Variants in NOS1 observed in about 807,000 individuals in gnomAD.
The protein encoded by NOS1 is NOS type I.
Under a neutral mutation model 164.5 loss-of-function variants are expected in NOS1, and 51 were observed. That is an observed-to-expected ratio of 0.31 (90% CI 0.25 to 0.39). The LOEUF is 0.39. Among genes scored for constraint, NOS1 ranks in the 10% least tolerant of loss-of-function variants. The pLI is 1.00. For missense variants in NOS1, 1,362 were observed against 1,885.6 expected (o/e 0.72, Z 5.14); for synonymous variants, 719 against 745.8 (o/e 0.96, Z 0.59).
chr12:117,330,411 C>T lies in NOS1; in HGVS notation c.659G>A (p.Ser220Asn), dbSNP rs367886122. ...EPVLSLLTSG[S>N]RGVKGGAPAK... ...AGGTGCCCCTCCCTTGACCCCTCTG[C>T]TCCCACTGGTGAGAAGGCTCAGCAC... Residue 220 changes from serine (S) to asparagine (N), a missense_variant, in exon 2 of 29, where the codon AGC becomes AAC. Physicochemically the swap from Ser to Asn is conservative, Grantham distance 46 (BLOSUM62 1). Around this residue, in one of 4 missense-constraint regions of NOS1, gnomAD observed 362 missense variants for 402.0 expected, o/e 0.90. Coordinates refer to ENST00000317775, the MANE Select transcript of NOS1 (RefSeq NM_000620.5). The surrounding 1 kb of genome is among the most constrained non-coding windows in gnomAD (Gnocchi z 4.6). The T allele has an allele frequency of 1.7e-5, 28 of 1,614,204 alleles. No homozygotes were observed. The highest frequency in any genetic ancestry group is 1.7e-4 in the Admixed American group (10 of 60,026).
chr12:117,262,652 G>GT (rs949084016), intron 13 of NOS1, among the ~76,000 whole-genome samples: 2 of 152,138 alleles, frequency 1.3e-5, no homozygotes, highest in African/African-American at 4.8e-5. Context: ...TGTACAACTA[G>GT]TTATCATACA....
intron 3 of NOS1, among the ~76,000 whole-genome samples, chr12:117,298,112 C>T (rs2136037492): frequency 6.6e-6 from 1 of 151,968 alleles, no homozygotes; most frequent in African/African-American, 2.4e-5. Flanking sequence ...GAAATCATTA[C>T]ACAACTCACC....
intron 20 of NOS1, among the ~76,000 whole-genome samples, chr12:117,240,564 C>T (rs1870082399): frequency 6.6e-6 from 1 of 152,188 alleles, no homozygotes; most frequent in Admixed American, 6.5e-5. Flanking sequence ...TCGGTGTGAC[C>T]TTGAGAAAGT....
chr12:117,353,118 A>T (rs1465058524), intron 1 of NOS1, among the ~76,000 whole-genome samples: 1 of 151,960 alleles, frequency 6.6e-6, no homozygotes. Flanking sequence ...CCATCCATCC[A>T]TTCATGTACC....
At chr12:117,241,601 A>G (rs1429481341) in intron 20 of NOS1, among the ~76,000 whole-genome samples, 1 of 152,006 alleles carries the variant, frequency 6.6e-6, no homozygotes, top group African/African-American at 2.4e-5. Flanking sequence ...TACAAAGTGA[A>G]AAAGATTCCA....
Position 117,256,284 on chromosome 12 carries a change from G to GTTTTTTTTTTTTTTT in NOS1, c.2531+2112_2531+2113insAAAAAAAAAAAAAAA, listed in dbSNP as rs57047376. 5.3e-4 allele frequency among the ~76,000 whole-genome samples: 63 copies of GTTTTTTTTTTTTTTT among 118,444 alleles called. 9 individuals carry two copies. The highest frequency in any genetic ancestry group is 2.1e-3 in the South Asian group (8 of 3,896). 77.7% of individuals were successfully genotyped at this position (118,444 alleles called of 152,430 possible). A position where few individuals can be genotyped will look rare whatever the true frequency, so the allele number is the denominator to read the frequency against. ...CAAAGAAAATCAGAAGGGATTTTCTGTTTTTTTTTTTTGAGACGGAGTCTC... is the reference window on the plus strand; with the variant it reads ...CAAAGAAAATCAGAAGGGATTTTCTGTTTTTTTTTTTTTTTTTTTTTTTTTTTGAGACGGAGTCTC... On this transcript the variant is annotated intron_variant, in intron 16 of 28. Transcript: ENST00000317775.
At chr12:117,289,022 T>C (rs570704534) in intron 4 of NOS1, among the ~76,000 whole-genome samples, 1 of 152,310 alleles carries the variant, frequency 6.6e-6, no homozygotes, top group East Asian at 1.9e-4. Flanking sequence ...TGAAAAATAA[T>C]ACATAGTTTT....
chr12:117,298,601 C>G (rs1873587446), intron 3 of NOS1, among the ~76,000 whole-genome samples: 1 of 152,148 alleles, frequency 6.6e-6, no homozygotes, highest in African/African-American at 2.4e-5. Context: ...ACGAGGTCAT[C>G]AGCATGGGTC....
intron 2 of NOS1, among the ~76,000 whole-genome samples, chr12:117,317,329 C>T (rs780646738): frequency 5.6e-4 from 85 of 151,502 alleles, no homozygotes; most frequent in Non-Finnish European, 9.4e-4. Flanking sequence ...GGAATAATCT[C>T]AGTTTAGATC....
chr12:117,223,133 T>C (rs1407224771), intron 25 of NOS1, among the ~76,000 whole-genome samples: 1 of 152,178 alleles, frequency 6.6e-6, no homozygotes, highest in Admixed American at 6.5e-5. Flanking sequence ...CTCCCAGGTC[T>C]CAATCCTTCC....
chr12:117,292,091 A>G (rs1033299645), intron 3 of NOS1, among the ~76,000 whole-genome samples: 1 of 152,136 alleles, frequency 6.6e-6, no homozygotes, highest in Non-Finnish European at 1.5e-5. Context: ...TTGAGCACCT[A>G]TTATAATACA....
chr12:117,298,465 T>G (rs1411602950), intron 3 of NOS1, among the ~76,000 whole-genome samples: 1 of 152,142 alleles, frequency 6.6e-6, no homozygotes, highest in Admixed American at 6.5e-5. Flanking sequence ...TGGGGACCCC[T>G]GTATTATGGG....
chr12:117,337,104 C>CTATTTTTTTTTTTTTTTTTTTTTTTTT (rs1566082153), intron 1 of NOS1, among the ~76,000 whole-genome samples: 1 of 94,074 alleles, frequency 1.1e-5, no homozygotes, highest in African/African-American at 3.9e-5. Context: ...CTGCTTTTTA[C>CTATTTTTTTTTTTTTTTTTTTTTTTTT]TCTTTTTTTT....
At chr12:117,300,526 T>G (rs767070659) in intron 3 of NOS1, among the ~76,000 whole-genome samples, 2 of 151,804 alleles carry the variant, frequency 1.3e-5, no homozygotes, top group Non-Finnish European at 2.9e-5. Context: ...GACCTGGGAG[T>G]CACTGAGCAG....
chr12:117,222,989 G>C (rs1868358521), intron 25 of NOS1, 126 bp from the exon 26 acceptor site: 1 of 1,086,456 alleles, frequency 9.2e-7, no homozygotes. Flanking sequence ...ACAAACACTA[G>C]GACAGGCAGA....
intron 8 of NOS1, among the ~76,000 whole-genome samples, chr12:117,278,911 T>G (rs920405599): frequency 1.3e-5 from 2 of 149,798 alleles, no homozygotes; most frequent in African/African-American, 4.9e-5. Context: ...ATATATCAAA[T>G]AATACATTAA....
chr12:117,231,980 A>C lies in NOS1; in HGVS notation c.3387T>G (p.Arg1129=). ...SLATSEKEKQ[R]LLVLSKGLQE... is the part of the protein sequence containing the mutation. ...GACCCACCTTGCTGAGGACCAGCAGACGCTGCTTCTCCTTCTCGCTGGTAG... is the reference window on the plus strand; with the variant it reads ...GACCCACCTTGCTGAGGACCAGCAGCCGCTGCTTCTCCTTCTCGCTGGTAG... Residue 1129 remains arginine (R), a synonymous_variant, in exon 22 of 29, where the codon CGT becomes CGG. Transcript: ENST00000317775. The C allele has an allele frequency of 6.2e-7, 1 of 1,612,678 alleles. No individual in the cohort carries two copies. Among genetic ancestry groups the C allele is most frequent in the East Asian group, 2.2e-5 (1 of 44,860 alleles).
intron 2 of NOS1, among the ~76,000 whole-genome samples, chr12:117,312,532 CAGCCTCCCGAGT>C (rs1226702200): frequency 6.6e-6 from 1 of 152,196 alleles, no homozygotes; most frequent in Admixed American, 6.5e-5. Flanking sequence ...CCTCCTGCCT[CAGCCTCCCGAGT>C]AGCTGGGACT....
chr12:117,224,961 T>C, intron 25 of NOS1, 55 bp downstream of exon 25: 1 of 1,611,282 alleles, frequency 6.2e-7, no homozygotes, highest in South Asian at 1.1e-5. Context: ...GAGACACAGC[T>C]GGACCTCCCC....
Sources: allele counts gnomAD v4.1 joint callset (sites outside exome capture counted in the v4.1 genomes callset), GRCh38; gene constraint gnomAD v4.1.1; regional missense constraint gnomAD v4.1.1; non-coding constraint Gnocchi (gnomAD v3.1); transcripts MANE v1.5; gene names NCBI Gene and HGNC (gene_info 2026-07-23, HGNC 2026-07-21).